Variants in STT3B observed in about 807,000 individuals in gnomAD.
The protein encoded by STT3B is dolichyl-diphosphooligosaccharide--protein glycosyltransferase subunit STT3B.
In STT3B, 29 loss-of-function variants were observed where a neutral mutation model predicts 96.8. The ratio of observed to expected loss-of-function variants is 0.30; its 90% confidence interval spans 0.22 to 0.41. STT3B has a LOEUF of 0.41. Ranked by LOEUF, STT3B falls within the 10% of genes least tolerant of loss-of-function variation. The pLI is 1.00. For synonymous variants in STT3B, 367 were observed against 360.0 expected (o/e 1.02, Z -0.22); for missense variants, 640 against 1,022.3 (o/e 0.63, Z 5.10).
intron 7 of STT3B, 26 bp downstream of exon 7, chr3:31,617,101 G>C: frequency 6.6e-7 from 1 of 1,505,712 alleles, no homozygotes; most frequent in African/African-American, 1.4e-5. Flanking sequence ...TGTAGGGTGT[G>C]AATATTGTCT....
At position 31,546,434 on chromosome 3, in the gene STT3B, C is replaced by T. The variant is rs190318858; in HGVS notation, c.314+13122C>T. Reference sequence around the variant, plus strand: ...TGGCTCCTCCATGTGACTGCTTAGTCTGCCTCAGCATTGCAGCGGGGTTCT... The same window carrying T: ...TGGCTCCTCCATGTGACTGCTTAGTTTGCCTCAGCATTGCAGCGGGGTTCT... On this transcript the variant is annotated intron_variant, in intron 1 of 15. Coordinates refer to ENST00000295770, the MANE Select transcript of STT3B (RefSeq NM_178862.3). Among the ~76,000 whole-genome samples, 9 of 152,244 alleles carry T rather than the reference C, an allele frequency of 5.9e-5. No individual in the cohort carries two copies. In the South Asian group the frequency reaches 1.2e-3, roughly 21 times the overall value.
chr3:31,544,899 C>T (rs371221565), intron 1 of STT3B, among the ~76,000 whole-genome samples: 3 of 151,964 alleles, frequency 2.0e-5, no homozygotes, highest in Non-Finnish European at 2.9e-5. Context: ...ATTGCACCAC[C>T]GCACTCCAGC....
intron 5 of STT3B, among the ~76,000 whole-genome samples, chr3:31,606,755 A>G (rs1699063065): frequency 6.6e-6 from 1 of 152,228 alleles, no homozygotes. Flanking sequence ...GGCACTGCCA[A>G]GTGGAGCTGT....
chr3:31,535,467 T>C (rs966060670), intron 1 of STT3B, among the ~76,000 whole-genome samples: 1 of 152,160 alleles, frequency 6.6e-6, no homozygotes, highest in African/African-American at 2.4e-5. Context: ...CTCACGCCTG[T>C]AATCCCAGCA....
At chr3:31,593,460 G>A (rs1698712897) in intron 3 of STT3B, among the ~76,000 whole-genome samples, 1 of 151,878 alleles carries the variant, frequency 6.6e-6, no homozygotes, top group Non-Finnish European at 1.5e-5. Flanking sequence ...GGCTTCTTGG[G>A]TTTCATGGAT....
chr3:31,572,050 T>TTA (rs1698164373), intron 1 of STT3B, among the ~76,000 whole-genome samples: 3 of 83,638 alleles, frequency 3.6e-5, no homozygotes, highest in African/African-American at 1.3e-4. Flanking sequence ...TATATTAATA[T>TTA]ATCATATATT....
Position 31,533,413 on chromosome 3 carries a change from CGGA to C in STT3B, c.314+103_314+105del, listed in dbSNP as rs1410564360. The C allele has an allele frequency of 1.0e-5, 13 of 1,275,010 alleles. No individual in the cohort carries two copies. In the African/African-American group the frequency reaches 1.6e-4, roughly 15 times the overall value. 79.0% of individuals were successfully genotyped at this position (1,275,010 alleles called of 1,614,324 possible). The stretch of plus-strand genomic sequence containing the variant: ...TCCTCGACTTGGCCCCGCGCCGCCG[CGGA>C]GCCCCGCTCGCGTCCTGGCTGAGGC... On this transcript the variant is annotated intron_variant, in intron 1 of 15. Coordinates refer to ENST00000295770, the MANE Select transcript of STT3B (RefSeq NM_178862.3).
At chr3:31,552,295 A>G (rs923667931) in intron 1 of STT3B, among the ~76,000 whole-genome samples, 4 of 152,212 alleles carry the variant, frequency 2.6e-5, no homozygotes, top group African/African-American at 9.6e-5. Flanking sequence ...TTGATTGAAT[A>G]CCTCTTACTT....
At position 31,622,377 on chromosome 3, in the gene STT3B, C is replaced by G. The variant is rs117459028; in HGVS notation, c.1539+69C>G. ...CTTAATTTTTCCACCACAGTAAGAA[C>G]TATACATATCAAGAAATGTTATTAA... is the stretch of plus-strand genomic sequence containing the variant. On this transcript the variant is annotated intron_variant, in intron 10 of 15. Transcript: ENST00000295770. 317 of 1,243,780 alleles carry G rather than the reference C, an allele frequency of 2.5e-4. No homozygotes were observed. The East Asian group carries it at 7.5e-3, about 29-fold the overall frequency. 77.0% of individuals were successfully genotyped at this position (1,243,780 alleles called of 1,614,324 possible).
intron 3 of STT3B, among the ~76,000 whole-genome samples, chr3:31,584,097 T>C (rs1460938081): frequency 1.3e-5 from 2 of 152,224 alleles, no homozygotes; most frequent in South Asian, 2.1e-4. Flanking sequence ...AATTTTTGTA[T>C]ATGGTGTGAG....
intron 3 of STT3B, among the ~76,000 whole-genome samples, chr3:31,587,577 G>A (rs1698570845): frequency 6.6e-6 from 1 of 151,912 alleles, no homozygotes; most frequent in Non-Finnish European, 1.5e-5. Flanking sequence ...GTTTGTCTAT[G>A]TTGAAGTATT....
At chr3:31,595,712 C>T (rs961517735) in intron 3 of STT3B, among the ~76,000 whole-genome samples, 2 of 152,146 alleles carry the variant, frequency 1.3e-5, no homozygotes, top group African/African-American at 4.8e-5. Context: ...TTTACTTCCT[C>T]CTCTAGATTG....
At chr3:31,584,611 A>T (rs1286933657) in intron 3 of STT3B, among the ~76,000 whole-genome samples, 1 of 152,124 alleles carries the variant, frequency 6.6e-6, no homozygotes, top group South Asian at 2.1e-4. Flanking sequence ...GCTTTGAAGG[A>T]TCATATTAAC....
intron 1 of STT3B, among the ~76,000 whole-genome samples, chr3:31,541,344 A>C (rs1007068762): frequency 6.6e-6 from 1 of 152,152 alleles, no homozygotes; most frequent in African/African-American, 2.4e-5. Flanking sequence ...TATAGTGATG[A>C]CATCCTTCCT....
intron 1 of STT3B, among the ~76,000 whole-genome samples, chr3:31,571,708 A>G (rs1278774446): frequency 6.6e-6 from 1 of 152,044 alleles, no homozygotes; most frequent in African/African-American, 2.4e-5. Context: ...GCTGGAGGAA[A>G]CAGAGAAGTC....
At chr3:31,591,575 A>G (rs1363286180) in intron 3 of STT3B, among the ~76,000 whole-genome samples, 1 of 152,140 alleles carries the variant, frequency 6.6e-6, no homozygotes, top group Non-Finnish European at 1.5e-5. Context: ...TATGCATCTT[A>G]ATATTACAAT....
intron 13 of STT3B, among the ~76,000 whole-genome samples, chr3:31,627,091 C>T (rs1158900522): frequency 6.6e-6 from 1 of 152,110 alleles, no homozygotes; most frequent in East Asian, 1.9e-4. Context: ...TACTCATCAC[C>T]AAATTATTTA....
rs777854383 is a variant in STT3B, at chr3:31,532,951, G to A, written c.-48G>A. 1.3e-6 allele frequency: 2 copies of A among 1,524,404 alleles called. No homozygotes were observed. Among genetic ancestry groups the A allele is most frequent in the African/African-American group, 1.4e-5 (1 of 69,890 alleles). The allele number at this position is 1,524,404 out of a possible 1,614,324, so 94.4% of individuals were successfully genotyped here. On this transcript the variant is annotated 5_prime_UTR_variant, in exon 1 of 16. Transcript: ENST00000295770. ...TCCCCGCCCAGCACCCCTCGCACCA[G>A]GCGGCGGCGGCGGAGGAGGAGAGCT...
intron 8 of STT3B, 80 bp from the exon 9 acceptor site, chr3:31,619,596 A>G: frequency 8.0e-7 from 1 of 1,256,688 alleles, no homozygotes; most frequent in South Asian, 1.4e-5. Context: ...CATTTCTACA[A>G]CCAAACAAGA....
Sources: gnomAD v4.1 joint callset for allele counts (sites outside exome capture counted in the v4.1 genomes callset) on GRCh38, gnomAD v4.1.1 for gene constraint, MANE v1.5 for transcripts, NCBI Gene and HGNC (gene_info 2026-07-23, HGNC 2026-07-21) for gene names.